LYPLA1: variants seen among roughly 807,000 people sequenced by gnomAD.
LYPLA1 encodes lysophospholipase 1, also known as acyl-protein thioesterase 1.
A neutral mutation model predicts 34.0 loss-of-function variants in LYPLA1; 17 were observed. The observed-to-expected ratio is 0.50, with a 90% CI of 0.34 to 0.75. The LOEUF (loss-of-function observed/expected upper bound fraction) is 0.75, where lower values mean the gene tolerates loss of function less well. LYPLA1 is among the 30% of genes least tolerant of loss of function. LYPLA1 has a pLI of 0.01. For synonymous variants in LYPLA1, 98 were observed against 100.8 expected (o/e 0.97, Z 0.17); for missense variants, 203 against 288.8 (o/e 0.70, Z 2.15).
At chr8:54,086,438 T>TAA (rs768755796) in intron 2 of LYPLA1, among the ~76,000 whole-genome samples, 14 of 34,668 alleles carry the variant, frequency 4.0e-4, no homozygotes, top group Non-Finnish European at 6.3e-4. Flanking sequence ...CTAAAAAAAT[T>TAA]AAAAAAAAAA....
chr8:54,086,438 T>TAAAAAAAAAA (rs768755796), intron 2 of LYPLA1, among the ~76,000 whole-genome samples: 2 of 34,688 alleles, frequency 5.8e-5, no homozygotes, highest in Non-Finnish European at 1.1e-4. Flanking sequence ...CTAAAAAAAT[T>TAAAAAAAAAA]AAAAAAAAAA....
chr8:54,059,060 T>C (rs1239348929), intron 5 of LYPLA1, among the ~76,000 whole-genome samples: 2 of 152,220 alleles, frequency 1.3e-5, no homozygotes, highest in Admixed American at 6.5e-5. Context: ...ACTCTATTGT[T>C]AGGACAGAAT....
At chr8:54,068,296 A>G (rs571095562) in intron 2 of LYPLA1, among the ~76,000 whole-genome samples, 5 of 152,334 alleles carry the variant, frequency 3.3e-5, no homozygotes, top group South Asian at 2.1e-4. Context: ...CAGTACTCTC[A>G]AATTGATCTA....
chr8:54,076,713 G>A (rs1339895694), intron 2 of LYPLA1, among the ~76,000 whole-genome samples: 1 of 152,196 alleles, frequency 6.6e-6, no homozygotes, highest in Non-Finnish European at 1.5e-5. Flanking sequence ...CAGCATGAGC[G>A]ATCTGTGCCT....
intron 2 of LYPLA1, among the ~76,000 whole-genome samples, chr8:54,083,216 G>A (rs1808442961): frequency 6.6e-6 from 1 of 152,162 alleles, no homozygotes; most frequent in Non-Finnish European, 1.5e-5. Flanking sequence ...AGTAGGTTAA[G>A]ACCACATGGT....
chr8:54,098,603 C>T (rs1433103749), intron 2 of LYPLA1, among the ~76,000 whole-genome samples: 1 of 152,142 alleles, frequency 6.6e-6, no homozygotes, highest in Admixed American at 6.5e-5. Context: ...ATCACTTGAA[C>T]CCGAGTGGCA....
chr8:54,099,300 C>A (rs992470297), intron 2 of LYPLA1, among the ~76,000 whole-genome samples: 3 of 152,146 alleles, frequency 2.0e-5, no homozygotes, highest in Non-Finnish European at 4.4e-5. Context: ...TTTCACAGGA[C>A]CACTGGATTG....
intron 4 of LYPLA1, 32 bp downstream of exon 4, chr8:54,063,296 T>C: frequency 7.7e-7 from 1 of 1,298,224 alleles, no homozygotes. Context: ...AGTAATATAA[T>C]GTTCTTATTC....
chr8:54,057,630 G>C (rs1239135402), intron 5 of LYPLA1, among the ~76,000 whole-genome samples: 1 of 152,158 alleles, frequency 6.6e-6, no homozygotes, highest in Non-Finnish European at 1.5e-5. Context: ...AACAGACACA[G>C]ACAGTAGTAG....
chr8:54,079,657 G>T (rs1586144498), intron 2 of LYPLA1, among the ~76,000 whole-genome samples: 1 of 151,888 alleles, frequency 6.6e-6, no homozygotes, highest in African/African-American at 2.4e-5. Flanking sequence ...TACAAAATTA[G>T]CTGGGAGCGC....
intron 2 of LYPLA1, among the ~76,000 whole-genome samples, chr8:54,067,592 T>C (rs1484730593): frequency 6.6e-6 from 1 of 152,162 alleles, no homozygotes; most frequent in East Asian, 1.9e-4. Flanking sequence ...CTTATTTACA[T>C]TTGGCCATAT....
chr8:54,094,584 T>C (rs570930172), intron 2 of LYPLA1, among the ~76,000 whole-genome samples: 1 of 152,340 alleles, frequency 6.6e-6, no homozygotes, highest in African/African-American at 2.4e-5. Flanking sequence ...TGTGTGTACA[T>C]ATGTATGTAT....
chr8:54,085,256 G>A (rs567684360), intron 2 of LYPLA1, among the ~76,000 whole-genome samples: 16 of 152,284 alleles, frequency 1.1e-4, no homozygotes, highest in African/African-American at 2.2e-4. Context: ...CCGAGGTGCC[G>A]GGATTGCAGA....
chr8:54,067,089 G>T (rs886961839), intron 2 of LYPLA1, among the ~76,000 whole-genome samples: 8 of 151,890 alleles, frequency 5.3e-5, no homozygotes, highest in Admixed American at 4.6e-4. Context: ...AGAATCGCTT[G>T]AACCAGGAGG....
chr8:54,070,403 C>T (rs2129339944), intron 2 of LYPLA1, among the ~76,000 whole-genome samples: 1 of 152,198 alleles, frequency 6.6e-6, no homozygotes, highest in Middle Eastern at 3.4e-3. Context: ...TGCAAACAAC[C>T]CAAATGTCCA....
rs760716723 is a variant in LYPLA1 at position 54,051,791 on chromosome 8, TTTTG to T, written c.463-607_463-604del. On this transcript the variant is annotated intron_variant, in intron 7 of 8. Transcript: ENST00000316963. ...ATCCATCTTTATATTTTCAGCTTTT[TTTTG>T]TTTGTTTGGTTGGTTGTTTTAGTAT... Among the ~76,000 whole-genome samples, 15 of 151,938 alleles carry T rather than the reference TTTTG, an allele frequency of 9.9e-5. No homozygotes were observed. The East Asian group carries it at 1.2e-3, about 12-fold the overall frequency.
At chr8:54,072,957 T>C (rs972863121) in intron 2 of LYPLA1, among the ~76,000 whole-genome samples, 2 of 141,010 alleles carry the variant, frequency 1.4e-5, no homozygotes, top group South Asian at 4.5e-4. Flanking sequence ...AAAAAAGACA[T>C]ACATGTGGCC....
intron 2 of LYPLA1, among the ~76,000 whole-genome samples, chr8:54,067,352 T>C (rs749431439): frequency 4.0e-5 from 6 of 151,846 alleles, no homozygotes; most frequent in Non-Finnish European, 8.8e-5. Context: ...GAAAAAAAAA[T>C]TTTTTAATCC....
intron 2 of LYPLA1, among the ~76,000 whole-genome samples, chr8:54,092,819 T>C (rs913411988): frequency 6.6e-6 from 1 of 152,122 alleles, no homozygotes; most frequent in Non-Finnish European, 1.5e-5. Flanking sequence ...CTGTCTCTAC[T>C]TAAAAACAAA....
Sources: allele counts gnomAD v4.1 joint callset (sites outside exome capture counted in the v4.1 genomes callset), GRCh38; gene constraint gnomAD v4.1.1; transcripts MANE v1.5; gene names NCBI Gene and HGNC (gene_info 2026-07-23, HGNC 2026-07-21).